ITGBL1: variants seen among roughly 807,000 people sequenced by gnomAD.
ITGBL1 encodes the protein integrin subunit beta like 1, also known as integrin beta-like protein 1.
ITGBL1 carries 51 observed loss-of-function variants against 68.5 expected under a neutral mutation model. That is an observed-to-expected ratio of 0.74 (90% CI 0.59 to 0.94). The LOEUF is 0.94. ITGBL1 is among the 40% of genes least tolerant of loss of function. ITGBL1 has a pLI of 0.00. For missense variants in ITGBL1, 649 were observed against 647.4 expected (o/e 1.00, Z -0.03); for synonymous variants, 209 against 227.3 (o/e 0.92, Z 0.72).
At chr13:101,507,667 A>T (rs1042193223) in intron 2 of ITGBL1, among the ~76,000 whole-genome samples, 18 of 152,082 alleles carry the variant, frequency 1.2e-4, no homozygotes, top group Admixed American at 1.2e-3. Context: ...GGCAAAATGG[A>T]TATATTGAGG....
At chr13:101,618,305 C>T (rs1485918455) in intron 7 of ITGBL1, among the ~76,000 whole-genome samples, 1 of 152,186 alleles carries the variant, frequency 6.6e-6, no homozygotes, top group African/African-American at 2.4e-5. Context: ...GGTACCAGAT[C>T]ACACTTTGCA....
chr13:101,454,383 A>G (rs1169943050), intron 2 of ITGBL1, among the ~76,000 whole-genome samples: 1 of 106,596 alleles, frequency 9.4e-6, no homozygotes, highest in Non-Finnish European at 1.8e-5. Flanking sequence ...GGATCTTGCT[A>G]TGTTGCCCTG....
chr13:101,453,053 T>C (rs2139604769), intron 1 of ITGBL1, 122 bp downstream of exon 1: 1 of 726,624 alleles, frequency 1.4e-6, no homozygotes, highest in African/African-American at 1.7e-5. Flanking sequence ...ATAAACTGTT[T>C]TCAACCTGTT....
chr13:101,605,642 G>T (rs908076116), intron 7 of ITGBL1, among the ~76,000 whole-genome samples: 12 of 151,560 alleles, frequency 7.9e-5, no homozygotes, highest in Non-Finnish European at 1.5e-4. Flanking sequence ...ACATGTATGT[G>T]TGTATGCGTA....
At chr13:101,662,288 T>C (rs2139481131) in intron 7 of ITGBL1, among the ~76,000 whole-genome samples, 1 of 152,322 alleles carries the variant, frequency 6.6e-6, no homozygotes, top group Non-Finnish European at 1.5e-5. Flanking sequence ...TTACACGTGA[T>C]TTTAAAATTT....
intron 8 of ITGBL1, among the ~76,000 whole-genome samples, chr13:101,697,842 A>G (rs1192729640): frequency 2.6e-5 from 4 of 152,234 alleles, no homozygotes; most frequent in Non-Finnish European, 5.9e-5. Context: ...TGTAGTGGCC[A>G]TCTGCATTAC....
chr13:101,641,558 C>CT (rs1244573652), intron 7 of ITGBL1, among the ~76,000 whole-genome samples: 1 of 120,206 alleles, frequency 8.3e-6, no homozygotes, highest in Non-Finnish European at 1.7e-5. Flanking sequence ...TTTATTTTTT[C>CT]TTTTTTTTCT....
intron 7 of ITGBL1, among the ~76,000 whole-genome samples, chr13:101,663,322 T>C (rs2033134336): frequency 6.6e-6 from 1 of 152,194 alleles, no homozygotes; most frequent in Non-Finnish European, 1.5e-5. Context: ...CTGGTGTAGC[T>C]TTATGAATCT....
intron 7 of ITGBL1, among the ~76,000 whole-genome samples, chr13:101,602,140 G>A (rs80092155): frequency 0.021 from 3,188 of 152,034 alleles, 106 homozygotes; most frequent in African/African-American, 0.072. Flanking sequence ...CAGTTTAGAC[G>A]TTTGCTTAAA....
chr13:101,594,935 G>A (rs575714709), intron 6 of ITGBL1, among the ~76,000 whole-genome samples: 8 of 152,214 alleles, frequency 5.3e-5, no homozygotes, highest in African/African-American at 1.4e-4. Flanking sequence ...TTAGCCGGGC[G>A]TGTTGACGCA....
intron 7 of ITGBL1, among the ~76,000 whole-genome samples, chr13:101,655,909 A>G (rs960836576): frequency 6.6e-6 from 1 of 152,230 alleles, no homozygotes; most frequent in African/African-American, 2.4e-5. Context: ...GCCATGGCCC[A>G]TGACACAGCC....
chr13:101,710,423 A>G (rs1180030251), intron 9 of ITGBL1, among the ~76,000 whole-genome samples: 6 of 152,092 alleles, frequency 3.9e-5, no homozygotes, highest in Non-Finnish European at 7.4e-5. Context: ...TGCCACAGTT[A>G]CTCCTGGTTC....
At chr13:101,604,887 T>TATATATATATATATACACACACACAC in intron 7 of ITGBL1, among the ~76,000 whole-genome samples, 2 of 22,160 alleles carry the variant, frequency 9.0e-5, no homozygotes, top group Non-Finnish European at 1.6e-4. Context: ...TATATATATA[T>TATATATATATATATACACACACACAC]ACACACACAC....
intron 6 of ITGBL1, among the ~76,000 whole-genome samples, chr13:101,597,892 A>T (rs1448211468): frequency 6.6e-6 from 1 of 151,974 alleles, no homozygotes; most frequent in East Asian, 1.9e-4. Flanking sequence ...ATACAATCAC[A>T]TGCACCTGGA....
chr13:101,551,924 A>C (rs1422723219), intron 2 of ITGBL1, among the ~76,000 whole-genome samples: 1 of 152,180 alleles, frequency 6.6e-6, no homozygotes, highest in Non-Finnish European at 1.5e-5. Context: ...GATATAGCCC[A>C]TGGGTCAAGA....
chr13:101,689,980 G>A (rs1452433636), intron 7 of ITGBL1, among the ~76,000 whole-genome samples: 3 of 152,118 alleles, frequency 2.0e-5, no homozygotes, highest in Admixed American at 6.5e-5. Context: ...ATCCTAATAC[G>A]TTATTTTTGA....
intron 6 of ITGBL1, among the ~76,000 whole-genome samples, chr13:101,593,851 TGAG>T (rs1419679491): frequency 6.6e-6 from 1 of 151,986 alleles, no homozygotes; most frequent in Non-Finnish European, 1.5e-5. Context: ...TACAGTAGGT[TGAG>T]GACAGTTAAC....
chr13:101,673,213 G>A (rs1303394054), intron 7 of ITGBL1, among the ~76,000 whole-genome samples: 2 of 152,142 alleles, frequency 1.3e-5, no homozygotes, highest in African/African-American at 4.8e-5. Context: ...TCACTTGGCA[G>A]GATAATGGTA....
At chr13:101,479,049 C>A (rs768745539) in intron 2 of ITGBL1, among the ~76,000 whole-genome samples, 96 of 152,054 alleles carry the variant, frequency 6.3e-4, no homozygotes, top group Non-Finnish European at 9.9e-4. Context: ...TATTACCTGA[C>A]TTCAAATTAT....
Sources: gnomAD v4.1 joint callset for allele counts (sites outside exome capture counted in the v4.1 genomes callset) on GRCh38, gnomAD v4.1.1 for gene constraint, MANE v1.5 for transcripts, NCBI Gene and HGNC (gene_info 2026-07-23, HGNC 2026-07-21) for gene names.